COL25A1: variants seen among roughly 807,000 people sequenced by gnomAD.
The protein encoded by COL25A1 is collagen alpha-1(XXV) chain.
COL25A1 carries 103 observed loss-of-function variants against 128.4 expected under a neutral mutation model. The observed-to-expected ratio is 0.80, with a 90% CI of 0.68 to 0.94. The LOEUF is 0.94. COL25A1 is among the 40% of genes least tolerant of loss of function. The pLI, the probability that COL25A1 is intolerant of heterozygous loss-of-function variation, is 0.00. For missense variants in COL25A1, 745 were observed against 840.0 expected (o/e 0.89, Z 1.40); for synonymous variants, 279 against 277.2 (o/e 1.01, Z -0.06).
In COL25A1 at chr4:109,217,899, A is replaced by G. The variant is rs146250826; in HGVS notation, c.367+82684T>C. Among the ~76,000 whole-genome samples the G allele has an allele frequency of 2.3e-3, 356 of 152,260 alleles. 3 individuals are homozygous for G. The highest frequency in any genetic ancestry group is 8.1e-3 in the African/African-American group (338 of 41,568). ...TCTCCTCCCTGAGTATTTTCAGATCACAGTTGGTCGAAACCAAGGATACTA... is the reference window on the plus strand; with the variant it reads ...TCTCCTCCCTGAGTATTTTCAGATCGCAGTTGGTCGAAACCAAGGATACTA... On this transcript the variant is annotated intron_variant, in intron 3 of 37. Transcript: ENST00000399132.
At chr4:108,991,720 A>G (rs1754248647) in intron 6 of COL25A1, among the ~76,000 whole-genome samples, 1 of 152,108 alleles carries the variant, frequency 6.6e-6, no homozygotes, top group Non-Finnish European at 1.5e-5. Context: ...GAGAATGTAT[A>G]TTTACTTCCA....
intron 3 of COL25A1, among the ~76,000 whole-genome samples, chr4:109,082,176 GCAAATA>G (rs1275862283): frequency 2.6e-5 from 4 of 152,136 alleles, no homozygotes; most frequent in Non-Finnish European, 4.4e-5. Flanking sequence ...TCCATTGTAT[GCAAATA>G]CAAATTTTCT....
chr4:109,090,934 G>C (rs1024147795), intron 3 of COL25A1, among the ~76,000 whole-genome samples: 1 of 152,230 alleles, frequency 6.6e-6, no homozygotes, highest in Non-Finnish European at 1.5e-5. Flanking sequence ...AATGTTCTAA[G>C]GGAAGACCTT....
rs183732814 is a variant in COL25A1 at position 108,968,771 on chromosome 4, C to T, written c.492+5596G>A. On this transcript the variant is annotated intron_variant, in intron 8 of 37. Coordinates refer to ENST00000399132, the MANE Select transcript of COL25A1 (RefSeq NM_198721.4). ...TAGTCTCATGTTTCTGTTTGTTACA[C>T]TATTCCAATGAAATATCTCATCAAG... Among the ~76,000 whole-genome samples the T allele has an allele frequency of 2.6e-3, 390 of 152,308 alleles. 1 individual carries two copies. The highest frequency in any genetic ancestry group is 4.4e-3 in the Non-Finnish European group (301 of 68,026).
At chr4:109,075,106 T>A (rs946876071) in intron 3 of COL25A1, among the ~76,000 whole-genome samples, 7 of 152,310 alleles carry the variant, frequency 4.6e-5, no homozygotes, top group African/African-American at 1.7e-4. Flanking sequence ...GATGACATCA[T>A]CTCACAGTTT....
intron 24 of COL25A1, 61 bp downstream of exon 24, chr4:108,859,595 T>C (rs889454727): frequency 7.0e-7 from 1 of 1,437,796 alleles, no homozygotes; most frequent in Non-Finnish European, 9.7e-7. Flanking sequence ...TTTGCACACA[T>C]TACATGGGTG....
intron 11 of COL25A1, among the ~76,000 whole-genome samples, chr4:108,928,747 C>T (rs1746383677): frequency 6.6e-6 from 1 of 152,120 alleles, no homozygotes; most frequent in Admixed American, 6.6e-5. Flanking sequence ...TGGGTTTTCA[C>T]CATGTTGTCC....
chr4:108,867,091 G>C lies in COL25A1; in HGVS notation c.1083+1997C>G, dbSNP rs193181294. On this transcript the variant is annotated intron_variant, in intron 20 of 37. Transcript: ENST00000399132. ...ATGTGGATTTTATGCCTCTACATCTGGAAATTTTTCTGAAACTGCAGAATA... is the reference window on the plus strand; with the variant it reads ...ATGTGGATTTTATGCCTCTACATCTCGAAATTTTTCTGAAACTGCAGAATA... Among the ~76,000 whole-genome samples the C allele has an allele frequency of 6.6e-4, 101 of 152,184 alleles. No individual in the cohort carries two copies. In the East Asian group the frequency reaches 0.014, roughly 21 times the overall value.
Position 109,093,463 on chromosome 4 carries a change from A to AAAAAACAAAC in COL25A1, c.368-43285_368-43284insGTTTGTTTTT, listed in dbSNP as rs1553931008. Among the ~76,000 whole-genome samples the AAAAAACAAAC allele has an allele frequency of 2.6e-3, 387 of 148,842 alleles. 1 individual carries two copies. The highest frequency in any genetic ancestry group is 8.7e-3 in the African/African-American group (349 of 39,976). On this transcript the variant is annotated intron_variant, in intron 3 of 37. Transcript: ENST00000399132. The stretch of plus-strand genomic sequence containing the variant: ...AGCAAGACTCCATCTCTATGAAAAA[A>AAAAAACAAAC]AAAAAAAAAAAAACCTTTTTTAAAT...
At chr4:109,184,689 G>C (rs1052559005) in intron 3 of COL25A1, among the ~76,000 whole-genome samples, 6 of 152,142 alleles carry the variant, frequency 3.9e-5, no homozygotes, top group Non-Finnish European at 8.8e-5. Context: ...CTTTTCTAAA[G>C]GGAGAGACTT....
rs532467397 is a variant in COL25A1 at position 108,809,621 on chromosome 4, G to T, written c.*4306C>A. The T allele has an allele frequency of 2.0e-5, 3 of 152,092 alleles. 1 individual carries two copies. The East Asian group carries it at 5.8e-4, about 29-fold the overall frequency. The allele number at this position is 152,092 out of a possible 1,614,324, so 9.4% of individuals were successfully genotyped here. A position where few individuals can be genotyped will look rare whatever the true frequency, so the allele number is the denominator to read the frequency against. On this transcript the variant is annotated 3_prime_UTR_variant, in exon 38 of 38. Transcript: ENST00000399132. Reference sequence around the variant, plus strand: ...ATTTAAATATTTTGAAATGAAAAAAGTCATTAAAGTGTTTATTAGTACGGG... The same window carrying T: ...ATTTAAATATTTTGAAATGAAAAAATTCATTAAAGTGTTTATTAGTACGGG...
At chr4:109,275,176 G>C (rs1722700251) in intron 3 of COL25A1, among the ~76,000 whole-genome samples, 1 of 152,158 alleles carries the variant, frequency 6.6e-6, no homozygotes, top group Non-Finnish European at 1.5e-5. Flanking sequence ...AAAATTGTAT[G>C]TTCCCCTCAT....
chr4:108,920,755 T>A, intron 11 of COL25A1, 151 bp from the exon 12 acceptor site: 1 of 468,764 alleles, frequency 2.1e-6, no homozygotes, highest in Admixed American at 4.3e-5. Flanking sequence ...AAAATTTCAG[T>A]TTGAAGTTCC....
chr4:108,856,672 A>C (rs777545774), intron 24 of COL25A1, among the ~76,000 whole-genome samples: 13 of 152,130 alleles, frequency 8.5e-5, no homozygotes, highest in Non-Finnish European at 1.3e-4. Context: ...AAGAATAATA[A>C]ACATTTAGGT....
chr4:109,045,006 G>C (rs569049372), intron 5 of COL25A1, among the ~76,000 whole-genome samples: 1 of 152,072 alleles, frequency 6.6e-6, no homozygotes, highest in Non-Finnish European at 1.5e-5. Flanking sequence ...CAAGACCAAC[G>C]CCTTTTCGTC....
intron 3 of COL25A1, among the ~76,000 whole-genome samples, chr4:109,068,311 T>C (rs876365): frequency 0.31 from 47,286 of 151,792 alleles, 7,707 homozygotes; most frequent in African/African-American, 0.39. Context: ...GAGTAATGAG[T>C]AAGCAGGATA....
chr4:109,226,908 G>A (rs1778842162), intron 3 of COL25A1, among the ~76,000 whole-genome samples: 1 of 152,072 alleles, frequency 6.6e-6, no homozygotes, highest in South Asian at 2.1e-4. Context: ...TAGCAGTTGT[G>A]AGTAGATGAA....
In COL25A1 at chr4:108,941,355, A is replaced by G; in HGVS notation, c.564+11T>C. On this transcript the variant is annotated intron_variant, in intron 9 of 37. Coordinates refer to ENST00000399132, the MANE Select transcript of COL25A1 (RefSeq NM_198721.4). The stretch of plus-strand genomic sequence containing the variant: ...AAGAAGAAATCAGACTTCAGCAAGA[A>G]TAAGCACTACCTTAATCAGGCGGCG... 1 of 1,609,458 alleles carries G rather than the reference A, an allele frequency of 6.2e-7. No homozygotes were observed. Among genetic ancestry groups the G allele is most frequent in the Non-Finnish European group, 8.5e-7 (1 of 1,175,752 alleles).
chr4:108,838,172 G>A, intron 31 of COL25A1: 1 of 1,550,146 alleles, frequency 6.5e-7, no homozygotes, highest in Non-Finnish European at 8.7e-7. Flanking sequence ...TTTAACCCTG[G>A]TTCACCCTAA....
Sources: gnomAD v4.1 joint callset for allele counts (sites outside exome capture counted in the v4.1 genomes callset) on GRCh38, gnomAD v4.1.1 for gene constraint, MANE v1.5 for transcripts, NCBI Gene and HGNC (gene_info 2026-07-23, HGNC 2026-07-21) for gene names.